The following ADAMTS6 variants were observed in gnomAD, a reference collection of about 807,000 sequenced individuals.
ADAMTS6 encodes ADAM metallopeptidase with thrombospondin type 1 motif 6.
Under a neutral mutation model 144.3 loss-of-function variants are expected in ADAMTS6, and 23 were observed. That is an observed-to-expected ratio of 0.16 (90% CI 0.11 to 0.23). The LOEUF is 0.23. Ranked by LOEUF, ADAMTS6 falls within the 10% of genes least tolerant of loss-of-function variation. ADAMTS6 has a pLI of 1.00. For synonymous variants in ADAMTS6, 444 were observed against 457.5 expected (o/e 0.97, Z 0.38); for missense variants, 999 against 1,379.6 (o/e 0.72, Z 4.37).
intron 7 of ADAMTS6, among the ~76,000 whole-genome samples, chr5:65,394,745 C>T (rs573373185): frequency 6.6e-6 from 1 of 152,212 alleles, no homozygotes; most frequent in East Asian, 1.9e-4. Flanking sequence ...GTAAATCTAA[C>T]TTAGGTCTAC....
intron 7 of ADAMTS6, among the ~76,000 whole-genome samples, chr5:65,361,805 C>T (rs12652013): frequency 6.6e-6 from 1 of 151,854 alleles, no homozygotes. Context: ...ATGATCACGG[C>T]TCACTGCAGC....
intron 7 of ADAMTS6, among the ~76,000 whole-genome samples, chr5:65,429,673 TG>T (rs1756843024): frequency 6.6e-6 from 1 of 152,144 alleles, no homozygotes; most frequent in African/African-American, 2.4e-5. Context: ...ATCATACTAC[TG>T]AACATTTAAT....
intron 9 of ADAMTS6, among the ~76,000 whole-genome samples, chr5:65,316,512 T>A (rs1745014737): frequency 6.6e-6 from 1 of 151,986 alleles, no homozygotes; most frequent in South Asian, 2.1e-4. Context: ...TATATATAAG[T>A]GAAAGAAATG....
chr5:65,408,545 TA>T (rs1421486432), intron 7 of ADAMTS6, among the ~76,000 whole-genome samples: 1 of 152,120 alleles, frequency 6.6e-6, no homozygotes, highest in African/African-American at 2.4e-5. Context: ...CATACAATAA[TA>T]ATGGGAGACT....
intron 7 of ADAMTS6, among the ~76,000 whole-genome samples, chr5:65,430,382 G>A (rs1756900523): frequency 6.6e-6 from 1 of 152,008 alleles, no homozygotes; most frequent in African/African-American, 2.4e-5. Context: ...CCAGTATAAG[G>A]CAAAGGTGAA....
At chr5:65,196,280 T>C (rs1449465375) in intron 21 of ADAMTS6, among the ~76,000 whole-genome samples, 1 of 152,114 alleles carries the variant, frequency 6.6e-6, no homozygotes, top group African/African-American at 2.4e-5. Flanking sequence ...CTCATGCCTG[T>C]AATCCCAGCA....
At chr5:65,397,696 G>T (rs1251055344) in intron 7 of ADAMTS6, among the ~76,000 whole-genome samples, 1 of 151,468 alleles carries the variant, frequency 6.6e-6, no homozygotes, top group East Asian at 1.9e-4. Context: ...GTGCAACATG[G>T]AGAAACCTCG....
chr5:65,466,042 C>T (rs1759971986), intron 3 of ADAMTS6, among the ~76,000 whole-genome samples: 1 of 152,196 alleles, frequency 6.6e-6, no homozygotes, highest in African/African-American at 2.4e-5. Context: ...TCACGTTTAA[C>T]ACCTCCAACT....
At chr5:65,466,962 G>A (rs245527) in intron 3 of ADAMTS6, among the ~76,000 whole-genome samples, 108,337 of 151,086 alleles carry the variant, frequency 0.72, 40,258 homozygotes, top group African/African-American at 0.91. Context: ...GAATGGCGTG[G>A]ACCCGGGAGG....
intron 13 of ADAMTS6, among the ~76,000 whole-genome samples, chr5:65,262,287 G>A (rs555423704): frequency 1.1e-4 from 17 of 152,308 alleles, no homozygotes; most frequent in South Asian, 1.0e-3. Flanking sequence ...TGGCAGCTCC[G>A]GAAGATGATT....
intron 12 of ADAMTS6, among the ~76,000 whole-genome samples, chr5:65,272,782 G>A (rs568179736): frequency 7.2e-5 from 11 of 151,992 alleles, no homozygotes; most frequent in African/African-American, 7.2e-5. Flanking sequence ...TTAGCTGGGC[G>A]TGGTGGTGTG....
chr5:65,392,860 T>C (rs915300831), intron 7 of ADAMTS6, among the ~76,000 whole-genome samples: 1 of 152,220 alleles, frequency 6.6e-6, no homozygotes, highest in African/African-American at 2.4e-5. Context: ...ATCTGAGACA[T>C]GATAATCATG....
At chr5:65,309,363 A>G (rs1744251780) in intron 9 of ADAMTS6, among the ~76,000 whole-genome samples, 1 of 151,606 alleles carries the variant, frequency 6.6e-6, no homozygotes, top group Non-Finnish European at 1.5e-5. Context: ...GAACCCTCGC[A>G]TAAGAAGTTC....
intron 22 of ADAMTS6, among the ~76,000 whole-genome samples, chr5:65,185,669 C>T (rs1754633457): frequency 6.6e-6 from 1 of 152,152 alleles, no homozygotes; most frequent in East Asian, 1.9e-4. Flanking sequence ...TCCAAAAATG[C>T]CTTAGAGCCT....
chr5:65,316,240 CAGTAATTGAT>C (rs1052109601), intron 9 of ADAMTS6, among the ~76,000 whole-genome samples: 3 of 152,070 alleles, frequency 2.0e-5, no homozygotes, highest in African/African-American at 7.2e-5. Flanking sequence ...CACCCCTTTT[CAGTAATTGAT>C]AGATCAATCT....
At chr5:65,474,091 CTAAA>C in intron 1 of ADAMTS6, 139 bp from the exon 2 acceptor site, 1 of 336,174 alleles carries the variant, frequency 3.0e-6, no homozygotes, top group Non-Finnish European at 5.3e-6. Context: ...TCTTTATAGT[CTAAA>C]TAAACATTCA....
chr5:65,358,420 G>C (rs78738829), intron 7 of ADAMTS6, among the ~76,000 whole-genome samples: 6,812 of 151,700 alleles, frequency 0.045, 291 homozygotes, highest in African/African-American at 0.11. Flanking sequence ...ACCAAAATGT[G>C]CAATCAATAT....
At chr5:65,370,037 T>A (rs578180051) in intron 7 of ADAMTS6, among the ~76,000 whole-genome samples, 1 of 152,166 alleles carries the variant, frequency 6.6e-6, no homozygotes, top group East Asian at 1.9e-4. Context: ...GGAAACCAAA[T>A]GAACAGTATA....
chr5:65,206,836 TCTCACACACA>T (rs1189867929), intron 20 of ADAMTS6, among the ~76,000 whole-genome samples: 4 of 105,598 alleles, frequency 3.8e-5, no homozygotes, highest in African/African-American at 1.3e-4. Context: ...TCTCTCTCTC[TCTCACACACA>T]CACACACACA....
Sources: allele counts gnomAD v4.1 joint callset (sites outside exome capture counted in the v4.1 genomes callset), GRCh38; gene constraint gnomAD v4.1.1; transcripts MANE v1.5; gene names NCBI Gene and HGNC (gene_info 2026-07-23, HGNC 2026-07-21).